Variants in BTBD9 observed in about 807,000 individuals in gnomAD.
The protein encoded by BTBD9 is BTB/POZ domain-containing protein 9.
A neutral mutation model predicts 64.3 loss-of-function variants in BTBD9; 49 were observed. That is an observed-to-expected ratio of 0.76 (90% CI 0.61 to 0.97). BTBD9 has a LOEUF of 0.97. Among genes scored for constraint, BTBD9 ranks in the 50% least tolerant of loss-of-function variants. The pLI, the probability that BTBD9 is intolerant of heterozygous loss-of-function variation, is 0.00. For synonymous variants in BTBD9, 260 were observed against 274.7 expected (o/e 0.95, Z 0.53); for missense variants, 598 against 762.1 (o/e 0.78, Z 2.53).
chr6:38,584,574 T>C (rs1776431713), intron 4 of BTBD9, among the ~76,000 whole-genome samples: 1 of 152,150 alleles, frequency 6.6e-6, no homozygotes. Context: ...TTAATTATCT[T>C]TTATCGAACT....
At chr6:38,564,732 C>CA (rs1456009224) in intron 6 of BTBD9, among the ~76,000 whole-genome samples, 4 of 151,872 alleles carry the variant, frequency 2.6e-5, no homozygotes, top group East Asian at 3.9e-4. Flanking sequence ...ACTAAAAATA[C>CA]AAAAACAAAA....
intron 9 of BTBD9, among the ~76,000 whole-genome samples, chr6:38,250,939 G>A (rs550747355): frequency 1.3e-5 from 2 of 152,134 alleles, no homozygotes; most frequent in East Asian, 3.9e-4. Flanking sequence ...AAAATTAGCT[G>A]GGTGTAGTGG....
chr6:38,518,033 C>T (rs571872526), intron 6 of BTBD9, among the ~76,000 whole-genome samples: 1 of 152,222 alleles, frequency 6.6e-6, no homozygotes, highest in East Asian at 1.9e-4. Context: ...CAAAGAATGA[C>T]AAATATTAAA....
At chr6:38,483,614 T>G (rs937866117) in intron 6 of BTBD9, among the ~76,000 whole-genome samples, 1 of 152,132 alleles carries the variant, frequency 6.6e-6, no homozygotes, top group Non-Finnish European at 1.5e-5. Context: ...CTGTCTGCCC[T>G]CATTGCTAAA....
At chr6:38,190,099 A>G (rs1761993083) in intron 10 of BTBD9, among the ~76,000 whole-genome samples, 1 of 151,918 alleles carries the variant, frequency 6.6e-6, no homozygotes, top group African/African-American at 2.4e-5. Flanking sequence ...GGCGTGAGCC[A>G]ATGCACCTGG....
intron 6 of BTBD9, among the ~76,000 whole-genome samples, chr6:38,388,751 AC>A (rs1376423969): frequency 6.6e-6 from 1 of 152,180 alleles, no homozygotes; most frequent in African/African-American, 2.4e-5. Flanking sequence ...CTAAACTTTA[AC>A]CTTGAAATAC....
intron 9 of BTBD9, among the ~76,000 whole-genome samples, chr6:38,212,872 C>G (rs916606172): frequency 2.0e-5 from 3 of 152,298 alleles, no homozygotes; most frequent in East Asian, 3.9e-4. Flanking sequence ...AGCGCATTCC[C>G]TCCCAGAAGC....
At chr6:38,274,465 A>G (rs979870542) in intron 8 of BTBD9, among the ~76,000 whole-genome samples, 1 of 152,008 alleles carries the variant, frequency 6.6e-6, no homozygotes, top group Non-Finnish European at 1.5e-5. Context: ...GCCAGTTTTC[A>G]AAGGGAATGC....
At chr6:38,630,051 A>C (rs1195744018) in intron 1 of BTBD9, among the ~76,000 whole-genome samples, 4 of 151,570 alleles carry the variant, frequency 2.6e-5, no homozygotes, top group Non-Finnish European at 5.9e-5. Flanking sequence ...TCTACTAAAA[A>C]TACAAAATTA....
intron 6 of BTBD9, among the ~76,000 whole-genome samples, chr6:38,574,381 T>C (rs914013234): frequency 8.5e-5 from 13 of 152,112 alleles, no homozygotes; most frequent in African/African-American, 2.9e-4. Flanking sequence ...GGCCGGTTGT[T>C]AAGATAAAAC....
intron 1 of BTBD9, among the ~76,000 whole-genome samples, chr6:38,629,790 C>T (rs1175539923): frequency 2.0e-5 from 3 of 151,866 alleles, no homozygotes; most frequent in African/African-American, 7.3e-5. Context: ...CCATTGCACT[C>T]CAGCCTGGGC....
chr6:38,363,491 A>T (rs1765055756), intron 6 of BTBD9, among the ~76,000 whole-genome samples: 1 of 152,218 alleles, frequency 6.6e-6, no homozygotes, highest in Non-Finnish European at 1.5e-5. Flanking sequence ...GGGCAGAAGG[A>T]TGGCTTGAGC....
Position 38,580,263 on chromosome 6 carries a change from G to A in BTBD9, c.989C>T (p.Ser330Phe). 1 of 1,614,184 alleles carries A rather than the reference G, an allele frequency of 6.2e-7. No individual in the cohort carries two copies. Among genetic ancestry groups the A allele is most frequent in the East Asian group, 2.2e-5 (1 of 44,876 alleles). Reference protein sequence around the residue: ...SGIEIKLGQPSIINHIRILLW... With the variant: ...SGIEIKLGQPFIINHIRILLW... Reference sequence around the variant, plus strand: ...GAGTATCCGTATGTGATTGATAATGGATGGCTGACCTAGCTTAATCTCGAT... The same window carrying A: ...GAGTATCCGTATGTGATTGATAATGAATGGCTGACCTAGCTTAATCTCGAT... The change falls in exon 5 of 11, where the codon TCC becomes TTC. Residue 330 changes from serine (S) to phenylalanine (F), a missense_variant. By Grantham distance (155) the Ser-to-Phe change is radical (BLOSUM62 -2). Transcript: ENST00000481247.
chr6:38,411,660 G>T (rs1767430267), intron 6 of BTBD9, among the ~76,000 whole-genome samples: 1 of 152,042 alleles, frequency 6.6e-6, no homozygotes, highest in Admixed American at 6.6e-5. Flanking sequence ...AAAATGCCAG[G>T]TGTAGTGACT....
intron 6 of BTBD9, among the ~76,000 whole-genome samples, chr6:38,524,464 T>C (rs185402339): frequency 3.0e-3 from 450 of 152,314 alleles, no homozygotes; most frequent in Admixed American, 4.9e-3. Flanking sequence ...AGTAAGCACG[T>C]AGCAAGAATT....
chr6:38,282,908 C>CGTTT (rs10667166), intron 8 of BTBD9, among the ~76,000 whole-genome samples: 16,660 of 152,072 alleles, frequency 0.11, 2,161 homozygotes, highest in East Asian at 0.4. Context: ...TAAAAAACAG[C>CGTTT]GTTTATTATC....
chr6:38,509,991 T>A (rs1483773235), intron 6 of BTBD9, among the ~76,000 whole-genome samples: 1 of 152,166 alleles, frequency 6.6e-6, no homozygotes, highest in Non-Finnish European at 1.5e-5. Context: ...TTTCAAAGAT[T>A]ACTATGCAAA....
At chr6:38,396,897 C>CTTTTTTTTTTTTTTTTTT (rs146597621) in intron 6 of BTBD9, among the ~76,000 whole-genome samples, 3 of 107,402 alleles carry the variant, frequency 2.8e-5, no homozygotes, top group Non-Finnish European at 3.6e-5. Flanking sequence ...TTTTCTTTTT[C>CTTTTTTTTTTTTTTTTTT]TTTTTTTTTT....
chr6:38,312,283 G>A (rs879582434), intron 7 of BTBD9, among the ~76,000 whole-genome samples: 1 of 152,124 alleles, frequency 6.6e-6, no homozygotes, highest in Non-Finnish European at 1.5e-5. Flanking sequence ...AGAGTTGTTT[G>A]AGTTCCTTAT....
Sources: gnomAD v4.1 joint callset for allele counts (sites outside exome capture counted in the v4.1 genomes callset) on GRCh38, gnomAD v4.1.1 for gene constraint, MANE v1.5 for transcripts, NCBI Gene and HGNC (gene_info 2026-07-23, HGNC 2026-07-21) for gene names.